The following ADGRL2 variants were observed in gnomAD, a reference collection of about 807,000 sequenced individuals.
ADGRL2 encodes the protein adhesion G protein-coupled receptor L2.
In ADGRL2, 44 loss-of-function variants were observed where a neutral mutation model predicts 157.4. That is an observed-to-expected ratio of 0.28 (90% CI 0.22 to 0.36). The LOEUF (loss-of-function observed/expected upper bound fraction) is 0.36. ADGRL2 is among the 10% of genes least tolerant of loss of function. The pLI, the probability that ADGRL2 is intolerant of heterozygous loss-of-function variation, is 1.00. For synonymous variants in ADGRL2, 585 were observed against 624.7 expected, an observed-to-expected ratio of 0.94 and a Z score of 0.95; for missense variants, 1,510 against 1,768.9, an observed-to-expected ratio of 0.85 and a Z score of 2.63.
chr1:81,716,509 C>T (rs1032759941), intron 1 of ADGRL2, among the ~76,000 whole-genome samples: 1 of 152,082 alleles, frequency 6.6e-6, no homozygotes, highest in Admixed American at 6.5e-5. Context: ...ACTGCCATAA[C>T]CTTATAGACC....
At chr1:81,374,279 A>G (rs1466842931) in intron 1 of ADGRL2, among the ~76,000 whole-genome samples, 2 of 151,652 alleles carry the variant, frequency 1.3e-5, no homozygotes, top group Non-Finnish European at 2.9e-5. Flanking sequence ...CCCATAAAAT[A>G]CAAGCTGCCA....
chr1:81,931,769 C>T (rs2095234681), intron 3 of ADGRL2, among the ~76,000 whole-genome samples: 1 of 152,008 alleles, frequency 6.6e-6, no homozygotes, highest in Non-Finnish European at 1.5e-5. Flanking sequence ...GTAGCTGGAA[C>T]TACAGGCACA....
At chr1:81,445,359 T>C (rs575091838) in intron 2 of ADGRL2, among the ~76,000 whole-genome samples, 2 of 152,334 alleles carry the variant, frequency 1.3e-5, no homozygotes, top group South Asian at 4.1e-4. Flanking sequence ...TCTTACAAAA[T>C]TATGCTTGTG....
intron 3 of ADGRL2, among the ~76,000 whole-genome samples, chr1:81,655,239 A>G (rs1426785951): frequency 6.6e-6 from 1 of 152,158 alleles, no homozygotes; most frequent in East Asian, 1.9e-4. Flanking sequence ...TGACTTCGTG[A>G]TCCGCCCGCC....
chr1:81,408,770 G>T (rs12140556), intron 1 of ADGRL2, among the ~76,000 whole-genome samples: 3,955 of 152,204 alleles, frequency 0.026, 74 homozygotes, highest in Middle Eastern at 0.085. Context: ...GATCATTTTT[G>T]ATATCTCTGC....
chr1:81,873,917 A>C (rs1052986860), intron 2 of ADGRL2, among the ~76,000 whole-genome samples: 3 of 152,082 alleles, frequency 2.0e-5, no homozygotes, highest in African/African-American at 7.2e-5. Flanking sequence ...AAGATGAAAA[A>C]TGTACAAAGG....
chr1:81,619,731 A>ATG (rs34153343), intron 3 of ADGRL2, among the ~76,000 whole-genome samples: 10,094 of 149,508 alleles, frequency 0.068, 364 homozygotes, highest in African/African-American at 0.1. Flanking sequence ...GGGTGTGTGT[A>ATG]TGTGTGTGTG....
chr1:81,375,854 A>ATT (rs749370702), intron 1 of ADGRL2, among the ~76,000 whole-genome samples: 27 of 148,964 alleles, frequency 1.8e-4, no homozygotes, highest in Non-Finnish European at 4.0e-4. Context: ...GGATTTAATG[A>ATT]TTTTTTTTTT....
chr1:81,966,858 A>AT (rs1268840392), intron 13 of ADGRL2, among the ~76,000 whole-genome samples: 2 of 152,242 alleles, frequency 1.3e-5, no homozygotes, highest in Non-Finnish European at 2.9e-5. Flanking sequence ...ATGAAAGCTA[A>AT]TTCAGTAATC....
In ADGRL2 at chr1:81,465,318, A is replaced by G. The variant is rs531851726; in HGVS notation, c.-248+20229A>G. ...AATGCTTGTGTATTATTTTTAGGGA[A>G]TTATATAAATTAGATATCAGAAATT... On this transcript the variant is annotated intron_variant, in intron 2 of 24. Transcript: ENST00000370721. 3.3e-5 allele frequency among the ~76,000 whole-genome samples: 5 copies of G among 152,322 alleles called. No individual in the cohort carries two copies. In the South Asian group the frequency reaches 1.0e-3, roughly 32 times the overall value.
intron 1 of ADGRL2, among the ~76,000 whole-genome samples, chr1:81,419,591 A>G (rs1173095734): frequency 6.6e-6 from 1 of 152,202 alleles, no homozygotes; most frequent in East Asian, 1.9e-4. Context: ...ACAAATCCAA[A>G]ATACCAAGCA....
chr1:81,786,175 A>C (rs1426828653), intron 2 of ADGRL2, among the ~76,000 whole-genome samples: 1 of 152,218 alleles, frequency 6.6e-6, no homozygotes, highest in African/African-American at 2.4e-5. Context: ...ATCATGCTAA[A>C]AATTTGTATA....
chr1:81,922,786 C>T (rs1016056081), intron 3 of ADGRL2, among the ~76,000 whole-genome samples: 8 of 151,962 alleles, frequency 5.3e-5, no homozygotes, highest in African/African-American at 1.2e-4. Context: ...GAGGCGGAGG[C>T]GGGAGGAATG....
chr1:81,487,318 T>C (rs4406683), intron 2 of ADGRL2, among the ~76,000 whole-genome samples: 127,517 of 151,976 alleles, frequency 0.84, 55,372 homozygotes, highest in East Asian at 1. Flanking sequence ...ACCTGAAATT[T>C]GACATAATTA....
At chr1:81,890,491 G>A (rs964580147) in intron 2 of ADGRL2, among the ~76,000 whole-genome samples, 3 of 152,142 alleles carry the variant, frequency 2.0e-5, no homozygotes, top group Non-Finnish European at 4.4e-5. Flanking sequence ...AGTGCCAGCC[G>A]TGGGAGATAC....
intron 1 of ADGRL2, among the ~76,000 whole-genome samples, chr1:81,374,580 A>AAAAAAAAAAACAAAAG (rs1413562669): frequency 1.3e-5 from 2 of 151,246 alleles, no homozygotes; most frequent in Admixed American, 1.3e-4. Flanking sequence ...TCAAAAAAGA[A>AAAAAAAAAAACAAAAG]AAAAAAAACA....
intron 1 of ADGRL2, among the ~76,000 whole-genome samples, chr1:81,327,078 G>A (rs1179634287): frequency 6.6e-6 from 1 of 152,068 alleles, no homozygotes; most frequent in African/African-American, 2.4e-5. Flanking sequence ...AAGAGGTTCA[G>A]GACATACACT....
In ADGRL2 at chr1:81,832,930, G is replaced by C. The variant is rs115487701; in HGVS notation, c.-100-3955G>C. On this transcript the variant is annotated intron_variant, in intron 1 of 23. Coordinates refer to ENST00000686636, the MANE Select transcript of ADGRL2 (RefSeq NM_001366006.2). The stretch of plus-strand genomic sequence containing the variant: ...TAAAGATTACACATAAAATATTTCT[G>C]AAAAGTGAATAACCTGATTGAGGTT... 6.3e-4 allele frequency among the ~76,000 whole-genome samples: 96 copies of C among 152,270 alleles called. 1 individual carries two copies. Among genetic ancestry groups the C allele is most frequent in the Non-Finnish European group, 1.1e-3 (74 of 68,028 alleles).
chr1:81,502,743 T>G, intron 2 of ADGRL2: 2 of 1,613,752 alleles, frequency 1.2e-6, no homozygotes, highest in Non-Finnish European at 1.7e-6. Flanking sequence ...AGGCAGCAAT[T>G]GATGGCAACC....
Sources: gnomAD v4.1 joint callset for allele counts (sites outside exome capture counted in the v4.1 genomes callset) on GRCh38, gnomAD v4.1.1 for gene constraint, MANE v1.5 for transcripts, NCBI Gene and HGNC (gene_info 2026-07-23, HGNC 2026-07-21) for gene names.